HIRA: variants seen among roughly 807,000 people sequenced by gnomAD.
HIRA encodes the protein histone cell cycle regulator, also known as protein HIRA.
In HIRA, 13 loss-of-function variants were observed where a neutral mutation model predicts 126.6. The observed-to-expected ratio is 0.10, with a 90% CI of 0.07 to 0.16. HIRA has a LOEUF of 0.16. Ranked by LOEUF, HIRA falls within the 10% of genes least tolerant of loss-of-function variation. The pLI is 1.00. For missense variants in HIRA, 834 were observed against 1,314.4 expected (o/e 0.63, Z 5.65); for synonymous variants, 511 against 520.0 (o/e 0.98, Z 0.24).
intron 24 of HIRA, among the ~76,000 whole-genome samples, chr22:19,341,621 G>A (rs1339775750): frequency 6.6e-6 from 1 of 152,092 alleles, no homozygotes; most frequent in Non-Finnish European, 1.5e-5. Context: ...CAATGGAACA[G>A]AATAGAGAAC....
At chr22:19,366,405 G>A (rs530373124) in intron 15 of HIRA, among the ~76,000 whole-genome samples, 3 of 152,296 alleles carry the variant, frequency 2.0e-5, no homozygotes, top group East Asian at 3.9e-4. Flanking sequence ...AGATTCCTCT[G>A]GCAGATCTGG....
chr22:19,371,450 T>C (rs1404465565), intron 15 of HIRA, among the ~76,000 whole-genome samples: 1 of 152,324 alleles, frequency 6.6e-6, no homozygotes, highest in Non-Finnish European at 1.5e-5. Context: ...TTTTTTTTGA[T>C]AGTGTATTAT....
chr22:19,410,626 A>T lies in HIRA; in HGVS notation c.100+90T>A, dbSNP rs2089344754. ...CGTTGCATCCATCCTGAAAAATAGCAAGTATTCCCTCTACAGCTAAATGGA... is the reference window on the plus strand; with the variant it reads ...CGTTGCATCCATCCTGAAAAATAGCTAGTATTCCCTCTACAGCTAAATGGA... On this transcript the variant is annotated intron_variant, in intron 2 of 24. Transcript: ENST00000263208. 7 of 884,510 alleles carry T rather than the reference A, an allele frequency of 7.9e-6. No individual in the cohort carries two copies. In the African/African-American group the frequency reaches 1.2e-4, roughly 15 times the overall value. The allele number at this position is 884,510 out of a possible 1,614,324, so 54.8% of individuals were successfully genotyped here. A position where few individuals can be genotyped will look rare whatever the true frequency, so the allele number is the denominator to read the frequency against.
At chr22:19,404,365 C>T (rs185631851) in intron 5 of HIRA, among the ~76,000 whole-genome samples, 5 of 152,328 alleles carry the variant, frequency 3.3e-5, no homozygotes, top group Admixed American at 1.3e-4. Flanking sequence ...AAAGTCCTCA[C>T]TTGAGGCCTA....
At chr22:19,421,003 A>G (rs2089441705) in intron 1 of HIRA, among the ~76,000 whole-genome samples, 1 of 152,242 alleles carries the variant, frequency 6.6e-6, no homozygotes, top group Non-Finnish European at 1.5e-5. Context: ...ATTTAAGTGA[A>G]AAATGCACAG....
At chr22:19,382,850 CT>C (rs905888633) in intron 13 of HIRA, among the ~76,000 whole-genome samples, 2 of 150,472 alleles carry the variant, frequency 1.3e-5, no homozygotes, top group Non-Finnish European at 2.9e-5. Flanking sequence ...ACTATATACA[CT>C]GGGACAACAG....
chr22:19,366,518 G>A (rs1181987745), intron 15 of HIRA, among the ~76,000 whole-genome samples: 1 of 152,124 alleles, frequency 6.6e-6, no homozygotes, highest in Non-Finnish European at 1.5e-5. Flanking sequence ...TGGAAGAAGC[G>A]GATTCCAACC....
intron 6 of HIRA, 32 bp downstream of exon 6, chr22:19,397,960 T>C (rs1384983567): frequency 8.4e-6 from 13 of 1,543,294 alleles, no homozygotes; most frequent in Non-Finnish European, 1.1e-5. Context: ...GCAGTACTGC[T>C]TGCTGTTAAC....
At chr22:19,401,600 C>T (rs1415437636) in intron 5 of HIRA, among the ~76,000 whole-genome samples, 2 of 152,194 alleles carry the variant, frequency 1.3e-5, no homozygotes, top group African/African-American at 2.4e-5. Context: ...CATTTCTGTC[C>T]CACCTGCAGA....
intron 1 of HIRA, among the ~76,000 whole-genome samples, chr22:19,412,571 C>A (rs11704032): frequency 5.9e-5 from 9 of 152,134 alleles, no homozygotes; most frequent in African/African-American, 2.2e-4. Flanking sequence ...GCAATCAGGG[C>A]GGAACATTCC....
chr22:19,361,438 C>CAGAG, intron 16 of HIRA, 97 bp from the exon 17 acceptor site: 2 of 1,016,592 alleles, frequency 2.0e-6, no homozygotes, highest in South Asian at 2.7e-5. Flanking sequence ...AGCCTGCGAC[C>CAGAG]AGAGCATTTC....
chr22:19,377,187 C>T (rs2089027570), intron 14 of HIRA, among the ~76,000 whole-genome samples: 1 of 152,178 alleles, frequency 6.6e-6, no homozygotes, highest in Non-Finnish European at 1.5e-5. Context: ...CATTTCTATC[C>T]AGGGGACCTG....
chr22:19,331,982 G>T (rs557182435), intron 24 of HIRA, among the ~76,000 whole-genome samples: 2 of 152,340 alleles, frequency 1.3e-5, no homozygotes, highest in South Asian at 2.1e-4. Flanking sequence ...CACCTGGGGG[G>T]CAGTGACTGG....
intron 4 of HIRA, among the ~76,000 whole-genome samples, chr22:19,406,351 A>C (rs1209678458): frequency 2.0e-4 from 30 of 152,186 alleles, no homozygotes; most frequent in Non-Finnish European, 2.9e-5. Flanking sequence ...CTATTTAAAG[A>C]AGCAAAATCA....
Position 19,398,219 on chromosome 22 carries a change from C to T in HIRA, c.398-132G>A, listed in dbSNP as rs1470424460. ...ATTTTTTAACCAACCTGAAAAAACT[C>T]CCCCCAGAATTTTTCAATTGGTCAT... is the stretch of plus-strand genomic sequence containing the variant. On this transcript the variant is annotated intron_variant, in intron 5 of 24. Transcript: ENST00000263208. 5 of 649,078 alleles carry T rather than the reference C, an allele frequency of 7.7e-6. No homozygotes were observed. In the East Asian group the frequency reaches 1.1e-4, roughly 15 times the overall value. 40.2% of individuals were successfully genotyped at this position (649,078 alleles called of 1,614,324 possible). A position where few individuals can be genotyped will look rare whatever the true frequency, so the allele number is the denominator to read the frequency against.
chr22:19,333,594 C>T (rs954170198), intron 24 of HIRA, among the ~76,000 whole-genome samples: 4 of 152,184 alleles, frequency 2.6e-5, no homozygotes, highest in Admixed American at 1.3e-4. Flanking sequence ...TTAGAGTTCA[C>T]TGAGGCTCTT....
intron 15 of HIRA, among the ~76,000 whole-genome samples, chr22:19,363,767 A>C (rs1260860019): frequency 6.6e-6 from 1 of 152,124 alleles, no homozygotes; most frequent in East Asian, 1.9e-4. Flanking sequence ...GTGTGGTGGC[A>C]TACACATGTA....
chr22:19,387,874 C>T lies in HIRA; in HGVS notation c.1008-58G>A, dbSNP rs531093120. ...AAGAGCCCCAGGCAGACACATGTGCCGCAGTAGCTGGCCTGTGAGGATGGT... is the reference window on the plus strand; with the variant it reads ...AAGAGCCCCAGGCAGACACATGTGCTGCAGTAGCTGGCCTGTGAGGATGGT... On this transcript the variant is annotated intron_variant, in intron 10 of 24. Coordinates refer to ENST00000263208, the MANE Select transcript of HIRA (RefSeq NM_003325.4). 1.3e-5 allele frequency: 16 copies of T among 1,273,166 alleles called. No individual in the cohort carries two copies. In the East Asian group the frequency reaches 1.5e-4, roughly 12 times the overall value. The allele number at this position is 1,273,166 out of a possible 1,614,324, so 78.9% of individuals were successfully genotyped here.
In HIRA at chr22:19,342,259, C is replaced by G. The variant is rs1167420602; in HGVS notation, c.2937+9099G>C. Among the ~76,000 whole-genome samples, 4 of 152,038 alleles carry G rather than the reference C, an allele frequency of 2.6e-5. No individual in the cohort carries two copies. The East Asian group carries it at 7.7e-4, about 29-fold the overall frequency. ...AAATCAAAACCACAATGACATACCA[C>G]CTTACTCCTGCAAGAATGGCCATAA... is the stretch of plus-strand genomic sequence containing the variant. On this transcript the variant is annotated intron_variant, in intron 24 of 24. Coordinates refer to ENST00000263208, the MANE Select transcript of HIRA (RefSeq NM_003325.4).
Sources: gnomAD v4.1 joint callset for allele counts (sites outside exome capture counted in the v4.1 genomes callset) on GRCh38, gnomAD v4.1.1 for gene constraint, MANE v1.5 for transcripts, NCBI Gene and HGNC (gene_info 2026-07-23, HGNC 2026-07-21) for gene names.